Variants in LRTM3 observed in about 807,000 individuals in gnomAD.
LRTM3 encodes the protein leucine rich repeat transmembrane protein 3.
At chr13:102,735,585 G>C in the LRTM3 span, 15 of 1,550,894 alleles carry the variant, frequency 9.7e-6, no homozygotes, top group South Asian at 1.2e-5. Flanking sequence ...TCTGAGAGTA[G>C]TAATTGCTTT....
the LRTM3 span, among the ~76,000 whole-genome samples, chr13:102,756,696 CAAA>C: frequency 0.096 from 10,317 of 107,052 alleles, 766 homozygotes; most frequent in South Asian, 0.15. Context: ...AAAAAAAAAA[CAAA>C]AAAACAAAAA....
the LRTM3 span, chr13:102,736,034 A>G: frequency 6.5e-7 from 1 of 1,548,616 alleles, no homozygotes; most frequent in Non-Finnish European, 8.7e-7. Flanking sequence ...CCTGCCTTCT[A>G]TTTTTACTCT....
the LRTM3 span, chr13:102,737,691 G>A: frequency 6.4e-7 from 1 of 1,550,420 alleles, no homozygotes; most frequent in Middle Eastern, 1.7e-4. Context: ...TCTTTCTGTT[G>A]CATGTAATCT....
chr13:102,741,351 G>A, the LRTM3 span: 2 of 1,549,384 alleles, frequency 1.3e-6, no homozygotes, highest in Non-Finnish European at 1.7e-6. Flanking sequence ...TCAGAATCCA[G>A]AATACTTTCG....
the LRTM3 span, among the ~76,000 whole-genome samples, chr13:102,751,824 A>G: frequency 3.3e-5 from 5 of 152,190 alleles, no homozygotes; most frequent in Admixed American, 6.6e-5. Flanking sequence ...TGAAATGCTA[A>G]GTCCCACAAA....
chr13:102,742,268 C>T, the LRTM3 span: 4 of 1,550,242 alleles, frequency 2.6e-6, no homozygotes, highest in South Asian at 4.8e-5. Context: ...AACTGTTATT[C>T]TTTTTGCCTT....
chr13:102,743,708 G>GT, the LRTM3 span: 1 of 1,549,602 alleles, frequency 6.5e-7, no homozygotes. Flanking sequence ...GTTGGATACA[G>GT]TTTTTAAATA....
chr13:102,750,480 T>C, the LRTM3 span: 2 of 726,752 alleles, frequency 2.8e-6, no homozygotes, highest in Non-Finnish European at 2.2e-6. Flanking sequence ...GCATAGTATA[T>C]GAAAACAGAT....
the LRTM3 span, chr13:102,741,437 A>C: frequency 6.5e-7 from 1 of 1,550,204 alleles, no homozygotes; most frequent in Non-Finnish European, 8.7e-7. Context: ...TGTACAAAGA[A>C]ATTTCTGTCC....
At chr13:102,735,673 T>C in the LRTM3 span, 1 of 1,551,292 alleles carries the variant, frequency 6.4e-7, no homozygotes, top group Non-Finnish European at 8.7e-7. Context: ...CTCCCTGTGC[T>C]GTGGGTTGCA....
chr13:102,742,680 C>A, the LRTM3 span: 1 of 1,550,694 alleles, frequency 6.4e-7, no homozygotes, highest in Non-Finnish European at 8.7e-7. Flanking sequence ...GATTGTGAAA[C>A]TGCTGATTGC....
At chr13:102,742,311 C>T in the LRTM3 span, 1 of 1,549,742 alleles carries the variant, frequency 6.5e-7, no homozygotes, top group Non-Finnish European at 8.7e-7. Flanking sequence ...ATAGTACTTT[C>T]CACATCTGCT....
the LRTM3 span, chr13:102,743,108 T>C: frequency 2.5e-5 from 38 of 1,550,168 alleles, no homozygotes; most frequent in Non-Finnish European, 3.3e-5. Flanking sequence ...TGCCATGAAG[T>C]TTTCTGCATA....
chr13:102,751,342 TACACACACACACACACAC>T, the LRTM3 span, among the ~76,000 whole-genome samples: 143 of 142,086 alleles, frequency 1.0e-3, no homozygotes, highest in African/African-American at 2.8e-3. Context: ...TCTCTCTTTA[TACACACACACACACACAC>T]ACACACACAC....
the LRTM3 span, chr13:102,743,324 C>T: frequency 6.4e-7 from 1 of 1,550,508 alleles, no homozygotes. Flanking sequence ...TTGGAATCCA[C>T]TTTGCCTTTT....
chr13:102,750,540 A>G, the LRTM3 span, among the ~76,000 whole-genome samples: 1 of 152,314 alleles, frequency 6.6e-6, no homozygotes, highest in African/African-American at 2.4e-5. Flanking sequence ...AAAACAATTC[A>G]TTACCTAGTT....
chr13:102,747,937 C>T, the LRTM3 span: 1 of 1,551,252 alleles, frequency 6.4e-7, no homozygotes, highest in South Asian at 1.2e-5. Context: ...AGCCTTGTGT[C>T]AGCTCTGAAT....
At chr13:102,736,556 C>A in the LRTM3 span, 1 of 1,551,122 alleles carries the variant, frequency 6.4e-7, no homozygotes, top group South Asian at 1.2e-5. Context: ...TCGTGGTTCA[C>A]CTTCCTCTTC....
At chr13:102,740,617 T>C in the LRTM3 span, 1 of 1,548,760 alleles carries the variant, frequency 6.5e-7, no homozygotes, top group Non-Finnish European at 8.7e-7. Context: ...CTCTTGTCTG[T>C]GAAGTTAAAT....
Sources: allele counts gnomAD v4.1 joint callset (sites outside exome capture counted in the v4.1 genomes callset), GRCh38; gene constraint gnomAD v4.1.1; transcripts MANE v1.5; gene names NCBI Gene and HGNC (gene_info 2026-07-23, HGNC 2026-07-21).